Variants in BICRAL observed in about 807,000 individuals in gnomAD.
BICRAL encodes the protein BICRA like chromatin remodeling complex associated protein.
BICRAL carries 8 observed loss-of-function variants against 91.8 expected under a neutral mutation model. That is an observed-to-expected ratio of 0.09 (90% confidence interval 0.05 to 0.16). The LOEUF (loss-of-function observed/expected upper bound fraction) is 0.16. Ranked by LOEUF, BICRAL falls within the 10% of genes least tolerant of loss-of-function variation. The pLI is 1.00. For missense variants in BICRAL, 1,038 were observed against 1,310.9 expected (o/e 0.79, Z 3.21); for synonymous variants, 445 against 491.1 (o/e 0.91, Z 1.24).
chr6:42,841,181 ATATT>A (rs1562488760), intron 6 of BICRAL, among the ~76,000 whole-genome samples: 61 of 134,454 alleles, frequency 4.5e-4, no homozygotes, highest in African/African-American at 1.5e-3. Context: ...TCACTCTTGA[ATATT>A]TTTTTTTTTT....
At chr6:42,782,353 T>TTGG (rs1762937384) in intron 1 of BICRAL, among the ~76,000 whole-genome samples, 1 of 33,546 alleles carries the variant, frequency 3.0e-5, no homozygotes, top group African/African-American at 1.4e-4. Context: ...TGGGGGGGGG[T>TTGG]GGGTTTGTGG....
chr6:42,789,812 G>T (rs1035535774), intron 1 of BICRAL, among the ~76,000 whole-genome samples: 2 of 152,092 alleles, frequency 1.3e-5, no homozygotes, highest in African/African-American at 4.8e-5. Context: ...ACCTATAGAC[G>T]TAGAGATTGT....
chr6:42,862,667 A>G (rs1765590743), intron 12 of BICRAL, 55 bp downstream of exon 12: 2 of 1,057,260 alleles, frequency 1.9e-6, no homozygotes, highest in Non-Finnish European at 3.0e-6. Context: ...TTCAGGGACC[A>G]TGGGGCCTTT....
At chr6:42,855,098 G>A (rs1005944364) in intron 8 of BICRAL, among the ~76,000 whole-genome samples, 1 of 152,120 alleles carries the variant, frequency 6.6e-6, no homozygotes, top group Non-Finnish European at 1.5e-5. Context: ...AGGCCTATTT[G>A]TTTCCTTAAC....
At position 42,829,744 on chromosome 6, in the gene BICRAL, C is replaced by T. The variant is rs150278376; in HGVS notation, c.1411C>T (p.His471Tyr). Reference protein sequence around the residue: ...PMLNNQNTAVHLVSGQTFAAS... With the variant: ...PMLNNQNTAVYLVSGQTFAAS... ...GCTTAACAACCAGAATACTGCTGTC[C>T]ACTTAGTGTCTGGGCAGACATTTGC... Residue 471 changes from histidine to tyrosine, a missense_variant, in exon 6 of 13, where the codon CAC becomes TAC. Coordinates refer to ENST00000314073, the MANE Select transcript of BICRAL (RefSeq NM_001393499.1). 6.2e-7 allele frequency: 1 copy of T among 1,614,080 alleles called. No individual in the cohort carries two copies. Among genetic ancestry groups the T allele is most frequent in the African/African-American group, 1.3e-5 (1 of 75,044 alleles).
At chr6:42,782,644 TGGGGA>T (rs1298492474) in intron 1 of BICRAL, among the ~76,000 whole-genome samples, 94 of 36,350 alleles carry the variant, frequency 2.6e-3, no homozygotes, top group African/African-American at 6.8e-3. Context: ...CGGTTGGTGG[TGGGGA>T]GGGGAGGGGA....
rs752485984 is a variant in BICRAL, at chr6:42,828,837, G to T, written c.504G>T (p.Val168=). 2 of 1,614,202 alleles carry T rather than the reference G, an allele frequency of 1.2e-6. No individual in the cohort carries two copies. The highest frequency in any genetic ancestry group is 1.7e-6 in the Non-Finnish European group (2 of 1,180,036). Residue 168 remains valine, a synonymous_variant, in exon 6 of 13, where the codon GTG becomes GTT. Transcript: ENST00000314073. Reference sequence around the variant, plus strand: ...GTCAGACGCTGCAGCCTATAGGGGTGACGCATGTGCCTGTTGGAGCATCGT... The same window carrying T: ...GTCAGACGCTGCAGCCTATAGGGGTTACGCATGTGCCTGTTGGAGCATCGT... ...YSGQTLQPIG[V]THVPVGASFA...
chr6:42,836,576 G>T (rs1014515597), intron 6 of BICRAL, among the ~76,000 whole-genome samples: 6 of 151,384 alleles, frequency 4.0e-5, no homozygotes, highest in African/African-American at 1.5e-4. Context: ...TAAATTCCCG[G>T]GACACCCAGA....
chr6:42,781,322 A>T (rs991714762), upstream of BICRAL, among the ~76,000 whole-genome samples: 2 of 152,118 alleles, frequency 1.3e-5, no homozygotes, highest in Non-Finnish European at 2.9e-5. Context: ...TTCCTTTTTA[A>T]TGTTCACATA....
intron 6 of BICRAL, among the ~76,000 whole-genome samples, chr6:42,848,521 G>A (rs1765088281): frequency 6.6e-6 from 1 of 152,170 alleles, no homozygotes; most frequent in Non-Finnish European, 1.5e-5. Context: ...AACACATTCA[G>A]GAAATGTATA....
chr6:42,752,464 G>A (rs1762394859), intron 1 of BICRAL, among the ~76,000 whole-genome samples: 1 of 152,114 alleles, frequency 6.6e-6, no homozygotes, highest in Non-Finnish European at 1.5e-5. Context: ...TTCTTTGCTT[G>A]CTGAGACTGG....
chr6:42,843,332 G>T (rs566504032), intron 6 of BICRAL, among the ~76,000 whole-genome samples: 1 of 152,154 alleles, frequency 6.6e-6, no homozygotes, highest in Non-Finnish European at 1.5e-5. Flanking sequence ...CAAGTGCAGA[G>T]CCTGGAGAGA....
At chr6:42,812,528 A>G (rs893278233) in intron 2 of BICRAL, among the ~76,000 whole-genome samples, 1 of 152,174 alleles carries the variant, frequency 6.6e-6, no homozygotes, top group Non-Finnish European at 1.5e-5. Context: ...TTGGGCCAAG[A>G]CAACAAAGCA....
At chr6:42,853,061 T>C (rs1765242360) in intron 7 of BICRAL, among the ~76,000 whole-genome samples, 1 of 130,292 alleles carries the variant, frequency 7.7e-6, no homozygotes, top group African/African-American at 2.8e-5. Flanking sequence ...CAAGACCTTG[T>C]CTCAAAAAAA....
chr6:42,778,974 C>G (rs913689138), upstream of BICRAL, among the ~76,000 whole-genome samples: 3 of 151,858 alleles, frequency 2.0e-5, no homozygotes, highest in Admixed American at 6.6e-5. Context: ...CCTGCCACCA[C>G]GCCTGGCTAA....
At chr6:42,841,075 T>TAA (rs758007416) in intron 6 of BICRAL, among the ~76,000 whole-genome samples, 41 of 85,296 alleles carry the variant, frequency 4.8e-4, no homozygotes, top group African/African-American at 1.6e-3. Context: ...ACTCAATCTT[T>TAA]AAAAAAAAAA....
chr6:42,769,977 G>C (rs1308763465), intron 1 of BICRAL, among the ~76,000 whole-genome samples: 1 of 152,056 alleles, frequency 6.6e-6, no homozygotes, highest in African/African-American at 2.4e-5. Flanking sequence ...GACTTGCACA[G>C]CCTACTGCAT....
intron 1 of BICRAL, among the ~76,000 whole-genome samples, chr6:42,757,225 A>C (rs1421747140): frequency 6.6e-6 from 1 of 151,042 alleles, no homozygotes; most frequent in East Asian, 1.9e-4. Context: ...CAGATAATCT[A>C]CCATGCTCTA....
intron 1 of BICRAL, among the ~76,000 whole-genome samples, chr6:42,790,559 T>C (rs1257100925): frequency 2.0e-5 from 3 of 151,068 alleles, no homozygotes; most frequent in African/African-American, 7.3e-5. Flanking sequence ...TTCTTTCCTC[T>C]TTGAGTCTGC....
Sources: gnomAD v4.1 joint callset for allele counts (sites outside exome capture counted in the v4.1 genomes callset) on GRCh38, gnomAD v4.1.1 for gene constraint, MANE v1.5 for transcripts, NCBI Gene and HGNC (gene_info 2026-07-23, HGNC 2026-07-21) for gene names.